GPHN: variants seen among roughly 807,000 people sequenced by gnomAD.
GPHN encodes the protein gephyrin.
GPHN carries 17 observed loss-of-function variants against 95.5 expected under a neutral mutation model. That is an observed-to-expected ratio of 0.18 (90% CI 0.12 to 0.27). GPHN has a LOEUF of 0.27. GPHN is among the 10% of genes least tolerant of loss of function. The pLI is 1.00. For synonymous variants in GPHN, 320 were observed against 322.5 expected (o/e 0.99, Z 0.08); for missense variants, 660 against 978.1 (o/e 0.67, Z 4.34).
Position 66,866,261 on chromosome 14 carries a change from ACT to A in GPHN, c.295-13675_295-13674del, listed in dbSNP as rs1285854441. 2.6e-5 allele frequency among the ~76,000 whole-genome samples: 4 copies of A among 152,040 alleles called. No homozygotes were observed. The South Asian group carries it at 6.2e-4, about 24-fold the overall frequency. ...AACTTCTGAAGAACAGGAATGAGTA[ACT>A]CTTTTTTTTAACGTAGGTTGAAAGA... On this transcript the variant is annotated intron_variant, in intron 4 of 22. Coordinates refer to ENST00000478722, the MANE Select transcript of GPHN (RefSeq NM_020806.5).
At chr14:67,363,753 A>G in the GPHN span, among the ~76,000 whole-genome samples, 1 of 152,228 alleles carries the variant, frequency 6.6e-6, no homozygotes, top group East Asian at 1.9e-4. Context: ...AGCCACTGAG[A>G]AGATATAGGC....
chr14:66,661,003 C>T (rs1202608103), intron 1 of GPHN, among the ~76,000 whole-genome samples: 1 of 152,196 alleles, frequency 6.6e-6, no homozygotes, highest in African/African-American at 2.4e-5. Flanking sequence ...ATAGTCTCAA[C>T]AGAAAAGCTG....
chr14:67,654,192 G>A, the GPHN span, among the ~76,000 whole-genome samples: 3 of 152,088 alleles, frequency 2.0e-5, no homozygotes, highest in African/African-American at 7.2e-5. Flanking sequence ...CTGCAGCCTC[G>A]ACCTCCCAGG....
chr14:66,923,281 T>C (rs75299034), intron 7 of GPHN, among the ~76,000 whole-genome samples: 1,832 of 152,242 alleles, frequency 0.012, 19 homozygotes, highest in Non-Finnish European at 0.018. Context: ...AGTATCAAAA[T>C]GTCACAAATT....
At chr14:66,664,678 A>G (rs2065846395) in intron 1 of GPHN, among the ~76,000 whole-genome samples, 1 of 152,140 alleles carries the variant, frequency 6.6e-6, no homozygotes, top group Non-Finnish European at 1.5e-5. Flanking sequence ...CATTAAAAAC[A>G]TCAGTAAATC....
the GPHN span, among the ~76,000 whole-genome samples, chr14:67,449,778 T>C: frequency 5.3e-5 from 8 of 152,018 alleles, no homozygotes; most frequent in Non-Finnish European, 1.5e-5. Flanking sequence ...AGTGAATGGG[T>C]CTCACGAGAT....
At chr14:67,198,239 G>T in the GPHN span, 5 of 1,613,848 alleles carry the variant, frequency 3.1e-6, no homozygotes, top group Non-Finnish European at 4.2e-6. Context: ...CCCATGATCC[G>T]AGAGATCTTC....
chr14:67,328,611 G>A, the GPHN span, among the ~76,000 whole-genome samples: 2 of 152,156 alleles, frequency 1.3e-5, no homozygotes. Context: ...CTGGTTTTAG[G>A]TCTAACATTT....
At position 67,054,464 on chromosome 14, in the gene GPHN, T is replaced by C. The variant is rs193025047; in HGVS notation, c.1007-4185T>C. 3.3e-5 allele frequency among the ~76,000 whole-genome samples: 5 copies of C among 152,146 alleles called. No individual in the cohort carries two copies. The East Asian group carries it at 5.8e-4, about 18-fold the overall frequency. The stretch of plus-strand genomic sequence containing the variant: ...GGAAATCAGAGAGCACACAAACAAA[T>C]GGAAAAACATTCCACGCTCATGGAT... On this transcript the variant is annotated intron_variant, in intron 10 of 22. Coordinates refer to ENST00000478722, the MANE Select transcript of GPHN (RefSeq NM_020806.5).
chr14:67,002,333 T>TG (rs1555461273), intron 9 of GPHN, among the ~76,000 whole-genome samples: 3 of 142,478 alleles, frequency 2.1e-5, no homozygotes, highest in African/African-American at 7.7e-5. Context: ...TTTTTTTTTT[T>TG]GGATACCTAG....
At chr14:67,342,423 T>G in the GPHN span, among the ~76,000 whole-genome samples, 1 of 151,416 alleles carries the variant, frequency 6.6e-6, no homozygotes, top group African/African-American at 2.4e-5. Context: ...ATTTTAAATA[T>G]AGTAGCAATC....
intron 9 of GPHN, among the ~76,000 whole-genome samples, chr14:66,979,337 G>A (rs992789038): frequency 5.9e-5 from 9 of 152,200 alleles, no homozygotes; most frequent in African/African-American, 2.2e-4. Flanking sequence ...AAAATCTGTT[G>A]TTTAGTATAG....
the GPHN span, among the ~76,000 whole-genome samples, chr14:67,476,116 G>T: frequency 6.6e-6 from 1 of 152,190 alleles, no homozygotes; most frequent in South Asian, 2.1e-4. Context: ...CCCTCTCCAA[G>T]GTGGGAGAAA....
intron 2 of GPHN, among the ~76,000 whole-genome samples, chr14:66,697,668 T>C (rs909662226): frequency 3.1e-5 from 4 of 130,294 alleles, no homozygotes; most frequent in African/African-American, 1.5e-4. Flanking sequence ...CTTGCCTTTT[T>C]TTTTTTTCTT....
the GPHN span, chr14:67,317,384 G>C: frequency 6.3e-7 from 1 of 1,584,036 alleles, no homozygotes; most frequent in East Asian, 2.2e-5. Flanking sequence ...CACATTTATA[G>C]TTATGTTTAT....
At chr14:67,185,908 T>C (rs2083365956), downstream of GPHN, among the ~76,000 whole-genome samples, 1 of 152,196 alleles carries the variant, frequency 6.6e-6, no homozygotes, top group South Asian at 2.1e-4. Context: ...GTAAATAAAC[T>C]GTATGTCTTG....
At chr14:66,718,735 T>C (rs1004431949) in intron 2 of GPHN, among the ~76,000 whole-genome samples, 10 of 152,310 alleles carry the variant, frequency 6.6e-5, no homozygotes, top group Non-Finnish European at 1.3e-4. Flanking sequence ...ATTGGTGCAC[T>C]TACAATCCTC....
the GPHN span, chr14:67,692,561 C>T: frequency 6.2e-7 from 1 of 1,606,196 alleles, no homozygotes; most frequent in Non-Finnish European, 8.5e-7. Flanking sequence ...TCCCCCTTTT[C>T]CACATCCCGG....
chr14:66,536,829 T>G (rs1351434016), intron 1 of GPHN, among the ~76,000 whole-genome samples: 1 of 152,112 alleles, frequency 6.6e-6, no homozygotes, highest in African/African-American at 2.4e-5. Flanking sequence ...TCCTGTTCTC[T>G]CAGTTTTGAG....
Sources: allele counts gnomAD v4.1 joint callset (sites outside exome capture counted in the v4.1 genomes callset), GRCh38; gene constraint gnomAD v4.1.1; transcripts MANE v1.5; gene names NCBI Gene and HGNC (gene_info 2026-07-23, HGNC 2026-07-21).